Variants in PHF8 observed in about 807,000 individuals in gnomAD.
PHF8 encodes histone lysine demethylase PHF8.
A neutral mutation model predicts 74.4 loss-of-function variants in PHF8; 9 were observed. That is an observed-to-expected ratio of 0.12 (90% confidence interval 0.07 to 0.21). PHF8 has a LOEUF of 0.21. Ranked by LOEUF, PHF8 falls within the 10% of genes least tolerant of loss-of-function variation. The pLI, the probability that PHF8 is intolerant of heterozygous loss-of-function variation, is 1.00. For synonymous variants in PHF8, 311 were observed against 316.6 expected, an observed-to-expected ratio of 0.98 and a Z score of 0.19; for missense variants, 478 against 816.6, an observed-to-expected ratio of 0.59 and a Z score of 5.05.
intron 19 of PHF8, among the ~76,000 whole-genome samples, chrX:53,945,814 A>G (rs2064825075): frequency 1.8e-5 from 2 of 111,389 alleles, no homozygotes; most frequent in South Asian, 7.6e-4. Context: ...AATCTCCTAC[A>G]CAAAACCTCT....
intron 2 of PHF8, among the ~76,000 whole-genome samples, chrX:54,031,399 G>A (rs1182120668): frequency 4.6e-5 from 5 of 108,390 alleles, no homozygotes; most frequent in African/African-American, 1.7e-4. Flanking sequence ...CATTCCCACC[G>A]CCCCACCCCT....
chrX:54,046,514 C>T (rs1191569102), upstream of PHF8, among the ~76,000 whole-genome samples: 1 of 105,971 alleles, frequency 9.4e-6, no homozygotes, highest in Non-Finnish European at 1.9e-5. Context: ...ACACGGGAGG[C>T]GGAGGTTGCA....
intron 18 of PHF8, among the ~76,000 whole-genome samples, chrX:53,967,169 G>A (rs1356509614): frequency 9.7e-6 from 1 of 102,806 alleles, no homozygotes; most frequent in Non-Finnish European, 2.0e-5. Flanking sequence ...CCGGCCAGCC[G>A]CCCCGTCCGG....
At chrX:53,981,915 CCA>C (rs1396122136) in intron 18 of PHF8, among the ~76,000 whole-genome samples, 1 of 111,998 alleles carries the variant, frequency 8.9e-6, no homozygotes, top group African/African-American at 3.2e-5. Flanking sequence ...ATAAATTAAT[CCA>C]CAAACACCAT....
At chrX:54,002,034 T>G (rs1484143302) in intron 10 of PHF8, 121 bp downstream of exon 10, 1 of 510,559 alleles carries the variant, frequency 2.0e-6, no homozygotes, top group Non-Finnish European at 3.6e-6. Flanking sequence ...TTAATTTATA[T>G]ACTGAGATCT....
At chrX:54,001,320 A>G (rs2065823770) in intron 10 of PHF8, among the ~76,000 whole-genome samples, 2 of 107,729 alleles carry the variant, frequency 1.9e-5, no homozygotes, top group Non-Finnish European at 3.9e-5. Context: ...GCGAGACTCC[A>G]TCTCAAAAAA....
chrX:54,042,850 GA>G lies in PHF8; in HGVS notation c.-92-31del, dbSNP rs782166069. ...GCACAAATAACACTTTTTACAGAGT[GA>G]ATCAGCCCCCGCCCCCCACCCCCTT... On this transcript the variant is annotated intron_variant, in intron 1 of 21. Coordinates refer to ENST00000338154, the MANE Select transcript of PHF8 (RefSeq NM_015107.3). The G allele has an allele frequency of 1.9e-4, 202 of 1,044,341 alleles. No individual in the cohort carries two copies. The African/African-American group carries it at 3.4e-3, about 18-fold the overall frequency. The allele number at this position is 1,044,341 out of a possible 1,213,427, so 86.1% of individuals were successfully genotyped here.
intron 19 of PHF8, among the ~76,000 whole-genome samples, chrX:53,952,111 C>T (rs1022226401): frequency 2.4e-4 from 26 of 109,168 alleles, no homozygotes; most frequent in Admixed American, 9.8e-5. Flanking sequence ...TAGTGAAACC[C>T]GTCTCTACTA....
intron 18 of PHF8, among the ~76,000 whole-genome samples, chrX:53,976,267 A>G (rs2065374204): frequency 9.1e-6 from 1 of 109,870 alleles, no homozygotes; most frequent in African/African-American, 3.3e-5. Flanking sequence ...ACTGCGCCAC[A>G]GCACTCCAGC....
intron 11 of PHF8, 104 bp from the exon 12 acceptor site, chrX:53,995,886 C>G: frequency 4.5e-6 from 2 of 448,826 alleles, no homozygotes. Context: ...GTCTTTTCAA[C>G]AAATGATTCT....
Position 53,936,710 on chromosome X carries a change from G to A in PHF8, c.*2448C>T, listed in dbSNP as rs906631315. 5 of 110,298 alleles carry A rather than the reference G, an allele frequency of 4.5e-5. No individual in the cohort carries two copies. The highest frequency in any genetic ancestry group is 1.7e-4 in the African/African-American group (5 of 30,201). The allele number at this position is 110,298 out of a possible 1,213,427, so 9.1% of individuals were successfully genotyped here. The stretch of plus-strand genomic sequence containing the variant: ...AAGATAAATCACTTTTATCTCTATA[G>A]GAAAGGGAGGATCTAAAAAAAATAT... On this transcript the variant is annotated 3_prime_UTR_variant, in exon 22 of 22. Transcript: ENST00000338154.
intron 18 of PHF8, among the ~76,000 whole-genome samples, chrX:53,983,522 T>C (rs1307841952): frequency 8.9e-6 from 1 of 111,873 alleles, no homozygotes; most frequent in African/African-American, 3.2e-5. Flanking sequence ...GGTAAGACTA[T>C]GGGTAAACAG....
chrX:54,044,766 C>A (rs782300896), upstream of PHF8: 2 of 626,984 alleles, frequency 3.2e-6, no homozygotes, highest in African/African-American at 4.5e-5. Context: ...ACTCCTCCTC[C>A]CCAGCCTTCT....
intron 2 of PHF8, among the ~76,000 whole-genome samples, chrX:54,023,396 T>C (rs782805204): frequency 2.0e-4 from 22 of 111,828 alleles, no homozygotes; most frequent in African/African-American, 6.8e-4. Flanking sequence ...ATCTTATCTG[T>C]GCTTCTAATT....
chrX:54,042,940 G>C (rs1361342949), intron 1 of PHF8, 120 bp from the exon 2 acceptor site: 1 of 587,316 alleles, frequency 1.7e-6, no homozygotes, highest in Non-Finnish European at 2.5e-6. Context: ...TGGTGCGGCT[G>C]TAGGGGGCAA....
In PHF8 at chrX:54,017,658, T is replaced by C. The variant is rs782279290; in HGVS notation, c.454+3A>G. ...ACAGTTAAAAGGGTCTGTAGTGTCT[T>C]ACCAACATAGTGTTCAACATCCCTC... On this transcript the variant is annotated splice_donor_region_variant and intron_variant, in intron 5 of 21. Coordinates refer to ENST00000338154, the MANE Select transcript of PHF8 (RefSeq NM_015107.3). The C allele has an allele frequency of 8.3e-7, 1 of 1,201,193 alleles. No individual in the cohort carries two copies. Among genetic ancestry groups the C allele is most frequent in the Admixed American group, 2.2e-5 (1 of 46,027 alleles).
At chrX:53,978,223 G>A (rs2065418094) in intron 18 of PHF8, among the ~76,000 whole-genome samples, 1 of 110,327 alleles carries the variant, frequency 9.1e-6, no homozygotes, top group African/African-American at 3.3e-5. Context: ...TGGGATTACA[G>A]GCACGAGCCA....
upstream of PHF8, chrX:54,044,749 C>G: frequency 1.8e-6 from 1 of 544,759 alleles, no homozygotes; most frequent in Non-Finnish European, 2.8e-6. Flanking sequence ...GCTACCCCGA[C>G]TCGCACACTC....
intron 2 of PHF8, among the ~76,000 whole-genome samples, chrX:54,028,815 G>A (rs1269531276): frequency 8.9e-6 from 1 of 111,743 alleles, no homozygotes; most frequent in Non-Finnish European, 1.9e-5. Flanking sequence ...ATACCCTGAA[G>A]TAGACGTTCT....
Sources: allele counts gnomAD v4.1 joint callset (sites outside exome capture counted in the v4.1 genomes callset), GRCh38; gene constraint gnomAD v4.1.1; transcripts MANE v1.5; gene names NCBI Gene and HGNC (gene_info 2026-07-23, HGNC 2026-07-21).